FGF14: variants seen among roughly 807,000 people sequenced by gnomAD.
FGF14 encodes fibroblast growth factor 14, also known as fibroblast growth factor homologous factor 4.
FGF14 carries 5 observed loss-of-function variants against 25.5 expected under a neutral mutation model. That is an observed-to-expected ratio of 0.20 (90% CI 0.10 to 0.41). FGF14 has a LOEUF of 0.41. Ranked by LOEUF, FGF14 falls within the 10% of genes least tolerant of loss-of-function variation. The pLI is 1.00. For synonymous variants in FGF14, 138 were observed against 118.3 expected, an observed-to-expected ratio of 1.17 and a Z score of -1.08; for missense variants, 222 against 320.1, an observed-to-expected ratio of 0.69 and a Z score of 2.34.
upstream of FGF14, among the ~76,000 whole-genome samples, chr13:101,917,975 A>G (rs958617715): frequency 8.5e-5 from 13 of 152,158 alleles, no homozygotes; most frequent in African/African-American, 2.7e-4. Context: ...GACAGTGAAA[A>G]GCAGCCAGAC....
At chr13:101,850,713 CAT>C (rs1036103098) in intron 3 of FGF14, among the ~76,000 whole-genome samples, 1 of 143,688 alleles carries the variant, frequency 7.0e-6, no homozygotes, top group African/African-American at 2.5e-5. Context: ...ACATATAATA[CAT>C]ATATAGAGAG....
At chr13:102,158,703 T>A (rs2047479864) in intron 1 of FGF14, among the ~76,000 whole-genome samples, 1 of 152,142 alleles carries the variant, frequency 6.6e-6, no homozygotes, top group Non-Finnish European at 1.5e-5. Context: ...ATCCAATGGC[T>A]TCATTTTGAA....
At chr13:102,033,261 C>G (rs971323249) in intron 1 of FGF14, among the ~76,000 whole-genome samples, 1 of 151,962 alleles carries the variant, frequency 6.6e-6, no homozygotes, top group African/African-American at 2.4e-5. Flanking sequence ...GTGTGACAAA[C>G]AGTAACAAAG....
intron 1 of FGF14, among the ~76,000 whole-genome samples, chr13:101,949,202 G>A (rs572802504): frequency 6.6e-6 from 1 of 152,284 alleles, no homozygotes; most frequent in African/African-American, 2.4e-5. Context: ...ATTTTGTGGA[G>A]ATTGAAATCT....
At chr13:102,160,231 C>A (rs1208044121) in intron 1 of FGF14, among the ~76,000 whole-genome samples, 1 of 152,152 alleles carries the variant, frequency 6.6e-6, no homozygotes, top group Non-Finnish European at 1.5e-5. Context: ...TCCCTAGCAT[C>A]CTCCACGCTT....
intron 3 of FGF14, among the ~76,000 whole-genome samples, chr13:101,754,797 A>T (rs2037535538): frequency 6.6e-6 from 1 of 152,198 alleles, no homozygotes; most frequent in Non-Finnish European, 1.5e-5. Flanking sequence ...TCCATTCTAT[A>T]AATGGAGAAT....
Position 101,916,729 on chromosome 13 carries a change from A to AAGGAG in FGF14, c.-85_-84insCTCCT. The AAGGAG allele has an allele frequency of 8.0e-7, 1 of 1,256,740 alleles. No homozygotes were observed. Among genetic ancestry groups the AAGGAG allele is most frequent in the Non-Finnish European group, 1.1e-6 (1 of 936,964 alleles). 77.8% of individuals were successfully genotyped at this position (1,256,740 alleles called of 1,614,324 possible). On this transcript the variant is annotated 5_prime_UTR_variant, in exon 1 of 5. Coordinates refer to ENST00000376143, the MANE Select transcript of FGF14 (RefSeq NM_004115.4). ...ACCGGAGGGGAAGGCGGCGGCGCAG[A>AAGGAG]CCGTGGCTCGCCCTCGGGGCAGAGG...
At position 102,063,180 on chromosome 13, in the gene FGF14, T is replaced by C. The variant is rs540356651; in HGVS notation, c.209-187884A>G. 1.2e-4 allele frequency among the ~76,000 whole-genome samples: 19 copies of C among 152,312 alleles called. 1 individual carries two copies. In the South Asian group the frequency reaches 3.7e-3, roughly 30 times the overall value. ...TATAACATAGTGAAATGAATGACTG[T>C]AGGACAAAATTTAGAAAATGGTACT... On this transcript the variant is annotated intron_variant, in intron 1 of 4. Coordinates refer to the FGF14 transcript ENST00000376131.
intron 1 of FGF14, among the ~76,000 whole-genome samples, chr13:102,050,348 A>G (rs1284237878): frequency 6.6e-6 from 1 of 152,168 alleles, no homozygotes. Context: ...AAACAAAACT[A>G]TATAGTTTTG....
chr13:102,255,112 T>C (rs2052373445), intron 1 of FGF14, among the ~76,000 whole-genome samples: 1 of 152,222 alleles, frequency 6.6e-6, no homozygotes, highest in Non-Finnish European at 1.5e-5. Flanking sequence ...ACCAGAAAGA[T>C]AATGCAGACC....
At chr13:101,744,057 T>C (rs967084582) in intron 3 of FGF14, among the ~76,000 whole-genome samples, 21 of 152,164 alleles carry the variant, frequency 1.4e-4, no homozygotes, top group African/African-American at 5.1e-4. Context: ...CCCCTCACCA[T>C]GTTCCCATGA....
At chr13:102,072,599 T>TA (rs1312702572) in intron 1 of FGF14, among the ~76,000 whole-genome samples, 1 of 152,234 alleles carries the variant, frequency 6.6e-6, no homozygotes, top group African/African-American at 2.4e-5. Flanking sequence ...GGGAGTGTTA[T>TA]ACACTGAATT....
At chr13:101,801,667 T>C (rs2040878121) in intron 3 of FGF14, among the ~76,000 whole-genome samples, 1 of 152,112 alleles carries the variant, frequency 6.6e-6, no homozygotes, top group African/African-American at 2.4e-5. Flanking sequence ...AAGAATTAGT[T>C]TGAAACACAA....
At chr13:102,395,992 A>G (rs948497400) in intron 1 of FGF14, among the ~76,000 whole-genome samples, 1 of 152,220 alleles carries the variant, frequency 6.6e-6, no homozygotes, top group Non-Finnish European at 1.5e-5. Flanking sequence ...ACATCAGGAC[A>G]TAGTTGGTCT....
chr13:102,286,756 A>G (rs1403699895), intron 1 of FGF14, among the ~76,000 whole-genome samples: 1 of 152,224 alleles, frequency 6.6e-6, no homozygotes. Flanking sequence ...CTAATCCAGT[A>G]CTAGTTATTT....
chr13:102,261,582 C>A (rs2052719390), intron 1 of FGF14, among the ~76,000 whole-genome samples: 1 of 152,190 alleles, frequency 6.6e-6, no homozygotes, highest in Non-Finnish European at 1.5e-5. Flanking sequence ...AAGATGACAG[C>A]AGGCCTCAGA....
intron 1 of FGF14, among the ~76,000 whole-genome samples, chr13:102,014,321 AT>A (rs2040228407): frequency 6.6e-6 from 1 of 152,132 alleles, no homozygotes; most frequent in African/African-American, 2.4e-5. Context: ...TTAAATGAAA[AT>A]TTTTTCCACT....
chr13:102,232,825 C>A lies in FGF14; in HGVS notation c.208+168646G>T, dbSNP rs574301718. ...GCCTTTATAGATGAGTATTAGAAAA[C>A]CCTGAATAAAAAATTACTTTTATAT... On this transcript the variant is annotated intron_variant, in intron 1 of 4. Coordinates refer to the FGF14 transcript ENST00000376131. Among the ~76,000 whole-genome samples the A allele has an allele frequency of 1.2e-4, 19 of 152,232 alleles. 1 individual carries two copies. The South Asian group carries it at 2.5e-3, about 20-fold the overall frequency.
chr13:102,254,732 C>G (rs867195546), intron 1 of FGF14, among the ~76,000 whole-genome samples: 30 of 152,168 alleles, frequency 2.0e-4, no homozygotes, highest in African/African-American at 6.5e-4. Context: ...ACTAAATGCA[C>G]GTAGCATCAT....
Sources: allele counts gnomAD v4.1 joint callset (sites outside exome capture counted in the v4.1 genomes callset), GRCh38; gene constraint gnomAD v4.1.1; transcripts MANE v1.5; gene names NCBI Gene and HGNC (gene_info 2026-07-23, HGNC 2026-07-21).